Variants in FER observed in about 807,000 individuals in gnomAD.
The protein encoded by FER is tyrosine-protein kinase Fer.
Under a neutral mutation model 111.0 loss-of-function variants are expected in FER, and 63 were observed. The observed-to-expected ratio is 0.57, with a 90% confidence interval of 0.46 to 0.70. The LOEUF is 0.70. Among genes scored for constraint, FER ranks in the 30% least tolerant of loss-of-function variants. FER has a pLI of 0.00. For missense variants in FER, 914 were observed against 954.0 expected (o/e 0.96, Z 0.55); for synonymous variants, 327 against 313.9 (o/e 1.04, Z -0.44).
intron 10 of FER, among the ~76,000 whole-genome samples, chr5:108,943,813 A>T (rs1756599410): frequency 6.6e-6 from 1 of 151,910 alleles, no homozygotes; most frequent in East Asian, 1.9e-4. Context: ...GCCTCACTGC[A>T]ACCTCAACCT....
At chr5:109,000,145 A>C (rs1764537033) in intron 13 of FER, among the ~76,000 whole-genome samples, 1 of 151,724 alleles carries the variant, frequency 6.6e-6, no homozygotes, top group Admixed American at 6.6e-5. Context: ...AAGATGATAT[A>C]TAATATATAT....
At chr5:109,187,369 C>T (rs1472779510) in intron 19 of FER, 64 bp from the exon 20 acceptor site, 3 of 1,538,476 alleles carry the variant, frequency 1.9e-6, no homozygotes, top group East Asian at 2.3e-5. Context: ...GCATAATGCC[C>T]TGTGTGAACA....
chr5:108,989,490 G>C (rs916689619), intron 13 of FER, among the ~76,000 whole-genome samples: 1 of 151,822 alleles, frequency 6.6e-6, no homozygotes, highest in Non-Finnish European at 1.5e-5. Flanking sequence ...ATGAAATATT[G>C]GCCTGTTTAT....
intron 8 of FER, 83 bp from the exon 9 acceptor site, chr5:108,883,313 C>T: frequency 7.6e-7 from 1 of 1,319,126 alleles, no homozygotes; most frequent in Non-Finnish European, 1.0e-6. Context: ...GACATTGCAA[C>T]ATAAGATGTA....
At chr5:108,939,077 A>T (rs1047293746) in intron 10 of FER, among the ~76,000 whole-genome samples, 1 of 152,064 alleles carries the variant, frequency 6.6e-6, no homozygotes, top group African/African-American at 2.4e-5. Flanking sequence ...TATGACATCT[A>T]TTAATGGCCA....
In FER at chr5:108,877,352, C is replaced by T. The variant is rs576519506; in HGVS notation, c.923+5140C>T. On this transcript the variant is annotated intron_variant, in intron 8 of 19. Coordinates refer to ENST00000281092, the MANE Select transcript of FER (RefSeq NM_005246.4). ...AAGTCAGGTGACATGTCGGAAGGAC[C>T]GTTTGATTAAGGGAAACAAAGTTGT... Among the ~76,000 whole-genome samples, 7 of 152,078 alleles carry T rather than the reference C, an allele frequency of 4.6e-5. No homozygotes were observed. In the South Asian group the frequency reaches 8.3e-4, roughly 18 times the overall value.
chr5:109,030,680 G>T (rs1769468677), intron 13 of FER, among the ~76,000 whole-genome samples: 1 of 152,090 alleles, frequency 6.6e-6, no homozygotes, highest in African/African-American at 2.4e-5. Context: ...AGGCCTATGG[G>T]ATTGTTTGGT....
chr5:108,918,415 G>T (rs1257262468), intron 10 of FER, among the ~76,000 whole-genome samples: 1 of 151,998 alleles, frequency 6.6e-6, no homozygotes, highest in Non-Finnish European at 1.5e-5. Flanking sequence ...GAATGCAGCT[G>T]TCTCTAAATT....
At chr5:109,085,574 T>C (rs188873167) in intron 16 of FER, among the ~76,000 whole-genome samples, 10 of 151,722 alleles carry the variant, frequency 6.6e-5, no homozygotes, top group Non-Finnish European at 1.3e-4. Flanking sequence ...GGGATAGATA[T>C]TCAGTAAAAT....
At chr5:109,136,933 G>T (rs1438037314) in intron 17 of FER, among the ~76,000 whole-genome samples, 2 of 152,122 alleles carry the variant, frequency 1.3e-5, no homozygotes, top group African/African-American at 4.8e-5. Flanking sequence ...TGGTGTAAAA[G>T]CAATTTTGAT....
chr5:109,166,086 T>C (rs78396881), intron 17 of FER, among the ~76,000 whole-genome samples: 28 of 152,098 alleles, frequency 1.8e-4, no homozygotes, highest in African/African-American at 6.7e-4. Flanking sequence ...GGAAAACTTA[T>C]GGCACAACAT....
intron 10 of FER, among the ~76,000 whole-genome samples, chr5:108,903,632 A>C (rs1329931282): frequency 1.3e-5 from 2 of 152,214 alleles, no homozygotes; most frequent in African/African-American, 4.8e-5. Flanking sequence ...AAATGAGATA[A>C]TGTGTATAAA....
At chr5:109,103,441 A>G (rs1349306722) in intron 17 of FER, among the ~76,000 whole-genome samples, 1 of 152,144 alleles carries the variant, frequency 6.6e-6, no homozygotes, top group East Asian at 1.9e-4. Flanking sequence ...TAGGAAAACA[A>G]TTATGACAAC....
At chr5:108,855,635 GA>G (rs1762938157) in intron 5 of FER, among the ~76,000 whole-genome samples, 2 of 151,006 alleles carry the variant, frequency 1.3e-5, no homozygotes, top group Non-Finnish European at 2.9e-5. Flanking sequence ...AATGTAAAAG[GA>G]AAACTAAGTG....
At chr5:108,846,024 C>G (rs192707402) in intron 5 of FER, among the ~76,000 whole-genome samples, 1 of 151,970 alleles carries the variant, frequency 6.6e-6, no homozygotes, top group East Asian at 1.9e-4. Context: ...ATGTGATTTG[C>G]TAAGTTTTTG....
rs1409713900 is a variant in FER, at chr5:109,193,719, GT to G, written c.*6149del. 9 of 152,088 alleles carry G rather than the reference GT, an allele frequency of 5.9e-5. No individual in the cohort carries two copies. The South Asian group carries it at 1.2e-3, about 21-fold the overall frequency. The allele number at this position is 152,088 out of a possible 1,614,324, so 9.4% of individuals were successfully genotyped here. ...TTACTATTTCCTTTTCTCATCTTTA[GT>G]TTTTCAAGATTTTGCTTTACCAAAA... On this transcript the variant is annotated 3_prime_UTR_variant, in exon 20 of 20. Transcript: ENST00000281092.
intron 5 of FER, among the ~76,000 whole-genome samples, chr5:108,844,162 A>ATG (rs1561500938): frequency 5.2e-5 from 5 of 96,728 alleles, no homozygotes; most frequent in African/African-American, 2.3e-4. Context: ...GAACATATAT[A>ATG]TGTGTGAACA....
intron 10 of FER, among the ~76,000 whole-genome samples, chr5:108,916,444 C>T (rs1017785067): frequency 6.6e-6 from 1 of 151,790 alleles, no homozygotes; most frequent in Non-Finnish European, 1.5e-5. Flanking sequence ...ATTTGGGTAC[C>T]CCCCCGACCC....
At chr5:109,055,810 CACAT>C (rs1773561738) in intron 16 of FER, among the ~76,000 whole-genome samples, 1 of 107,720 alleles carries the variant, frequency 9.3e-6, no homozygotes, top group Non-Finnish European at 2.0e-5. Flanking sequence ...AAAAAAAAAT[CACAT>C]ACAACTGATG....
Sources: gnomAD v4.1 joint callset for allele counts (sites outside exome capture counted in the v4.1 genomes callset) on GRCh38, gnomAD v4.1.1 for gene constraint, MANE v1.5 for transcripts, NCBI Gene and HGNC (gene_info 2026-07-23, HGNC 2026-07-21) for gene names.